Variants in MAP3K13 observed in about 807,000 individuals in gnomAD.
The protein encoded by MAP3K13 is mitogen-activated protein kinase kinase kinase 13, also known as leucine zipper-bearing kinase.
MAP3K13 carries 52 observed loss-of-function variants against 104.0 expected under a neutral mutation model. The ratio of observed to expected loss-of-function variants is 0.50; its 90% confidence interval spans 0.40 to 0.63. MAP3K13 has a LOEUF of 0.63. Among genes scored for constraint, MAP3K13 ranks in the 20% least tolerant of loss-of-function variants. The probability of loss-of-function intolerance (pLI) is 0.00; values close to 1 mark genes in which losing one functional copy is unlikely to be tolerated. For synonymous variants in MAP3K13, 394 were observed against 442.2 expected (o/e 0.89, Z 1.37); for missense variants, 914 against 1,218.5 (o/e 0.75, Z 3.72).
At chr3:185,455,412 GAGAT>G (rs1716490415) in intron 7 of MAP3K13, among the ~76,000 whole-genome samples, 2 of 68,376 alleles carry the variant, frequency 2.9e-5, no homozygotes, top group African/African-American at 9.9e-5. Context: ...ATATATATAT[GAGAT>G]ATATATGATA....
chr3:185,476,249 A>G (rs1577625851), intron 11 of MAP3K13, among the ~76,000 whole-genome samples: 2 of 151,530 alleles, frequency 1.3e-5, no homozygotes, highest in South Asian at 2.1e-4. Flanking sequence ...CCTCACTCCC[A>G]CAGAGCAGCT....
intron 2 of MAP3K13, among the ~76,000 whole-genome samples, chr3:185,330,046 A>ATTTTTTTTTTTTTTTTTTTTT (rs548813356): frequency 6.1e-5 from 6 of 98,278 alleles, no homozygotes; most frequent in South Asian, 3.7e-4. Context: ...TGCCTGGCTA[A>ATTTTTTTTTTTTTTTTTTTTT]TTTTTTTTTT....
intron 1 of MAP3K13, among the ~76,000 whole-genome samples, chr3:185,374,054 G>A (rs977043077): frequency 5.3e-5 from 8 of 152,032 alleles, no homozygotes; most frequent in Non-Finnish European, 8.8e-5. Context: ...CTTAAGGGTG[G>A]GGGAGACTAC....
rs11382487 is a variant in MAP3K13 at position 185,320,083 on chromosome 3, C to CTT, written c.-86+34454_-86+34455dup. On this transcript the variant is annotated intron_variant, in intron 2 of 14. Coordinates refer to the MAP3K13 transcript ENST00000424227. ...TGAAAACTATTTGCTATGTAAGTAA[C>CTT]TTTTTTTTTTTTTTTGAGAAGGAGT... 7.9e-3 allele frequency among the ~76,000 whole-genome samples: 1,138 copies of CTT among 143,738 alleles called. 13 individuals carry two copies. The highest frequency in any genetic ancestry group is 0.021 in the African/African-American group (821 of 39,032). The allele number at this position is 143,738 out of a possible 152,430, so 94.3% of individuals were successfully genotyped here.
chr3:185,471,649 G>A (rs1001119544), intron 10 of MAP3K13, among the ~76,000 whole-genome samples: 3 of 151,312 alleles, frequency 2.0e-5, no homozygotes, highest in African/African-American at 7.3e-5. Flanking sequence ...TAGTAGAAAT[G>A]GGGTTTCACC....
At chr3:185,400,103 A>G (rs781503654) in intron 1 of MAP3K13, among the ~76,000 whole-genome samples, 2 of 152,054 alleles carry the variant, frequency 1.3e-5, no homozygotes, top group Non-Finnish European at 2.9e-5. Context: ...TCACCTCTCC[A>G]TAGTTCTCTG....
intron 1 of MAP3K13, among the ~76,000 whole-genome samples, chr3:185,399,867 G>A (rs972355666): frequency 6.6e-6 from 1 of 151,928 alleles, no homozygotes; most frequent in African/African-American, 2.4e-5. Flanking sequence ...CACCCCCTCT[G>A]CTGGAGGTCC....
At chr3:185,322,110 AT>A (rs1390072059) in intron 2 of MAP3K13, among the ~76,000 whole-genome samples, 3 of 152,168 alleles carry the variant, frequency 2.0e-5, no homozygotes, top group Admixed American at 6.5e-5. Flanking sequence ...TGCATTTTTC[AT>A]TCTGTTTCAA....
chr3:185,419,951 CT>C (rs1396949721), intron 1 of MAP3K13, among the ~76,000 whole-genome samples: 2 of 152,228 alleles, frequency 1.3e-5, no homozygotes, highest in African/African-American at 4.8e-5. Flanking sequence ...CTTATTTTAA[CT>C]GTAATCACAG....
In MAP3K13 at chr3:185,454,907, GAT is replaced by G. The variant is rs1241391505; in HGVS notation, c.1278+3521_1278+3522del. ...TGATATATATATGAGATATATATAT[GAT>G]ATATATATGAGATATATATATGATA... On this transcript the variant is annotated intron_variant, in intron 7 of 13. Transcript: ENST00000265026. 1.0e-3 allele frequency among the ~76,000 whole-genome samples: 69 copies of G among 68,840 alleles called. 6 individuals carry two copies. The highest frequency in any genetic ancestry group is 3.3e-3 in the African/African-American group (66 of 20,204). The allele number at this position is 68,840 out of a possible 152,430, so 45.2% of individuals were successfully genotyped here.
At chr3:185,293,039 A>G in intron 2 of MAP3K13, 1 of 985,154 alleles carries the variant, frequency 1.0e-6, no homozygotes, top group Middle Eastern at 5.2e-4. Flanking sequence ...ACGTGTGTGT[A>G]CTTGGTCATT....
intron 1 of MAP3K13, among the ~76,000 whole-genome samples, chr3:185,392,410 G>C (rs1159992840): frequency 1.3e-5 from 2 of 152,226 alleles, no homozygotes; most frequent in Non-Finnish European, 2.9e-5. Flanking sequence ...GAAGGAAGTG[G>C]TAACAGAGAT....
chr3:185,467,522 C>A (rs188767625), intron 10 of MAP3K13, among the ~76,000 whole-genome samples: 1 of 152,092 alleles, frequency 6.6e-6, no homozygotes, highest in Non-Finnish European at 1.5e-5. Context: ...CGGTGGCTCA[C>A]GCCTGTAATC....
intron 7 of MAP3K13, among the ~76,000 whole-genome samples, chr3:185,462,228 G>A (rs1413626554): frequency 6.6e-6 from 1 of 152,182 alleles, no homozygotes; most frequent in Non-Finnish European, 1.5e-5. Flanking sequence ...CCTATTGCCT[G>A]TAGGCCATAT....
chr3:185,435,803 T>C (rs1714996377), intron 2 of MAP3K13, among the ~76,000 whole-genome samples: 1 of 152,224 alleles, frequency 6.6e-6, no homozygotes, highest in Non-Finnish European at 1.5e-5. Context: ...GTAGAGAAAA[T>C]TAGAGAAGAG....
chr3:185,306,509 A>G (rs1305673752), intron 2 of MAP3K13, among the ~76,000 whole-genome samples: 1 of 151,948 alleles, frequency 6.6e-6, no homozygotes, highest in Non-Finnish European at 1.5e-5. Context: ...TGTGGTTTTG[A>G]TTTGCATTTC....
chr3:185,354,986 G>A (rs956400406), intron 2 of MAP3K13, among the ~76,000 whole-genome samples: 1 of 152,072 alleles, frequency 6.6e-6, no homozygotes. Flanking sequence ...TATATTAGAC[G>A]AGCCAATCTT....
intron 1 of MAP3K13, among the ~76,000 whole-genome samples, chr3:185,426,666 A>C (rs1049980836): frequency 2.6e-5 from 4 of 152,064 alleles, no homozygotes; most frequent in Non-Finnish European, 5.9e-5. Context: ...CATTCCAGCC[A>C]CTTTGGATTT....
chr3:185,336,895 C>T (rs1254992934), intron 2 of MAP3K13, among the ~76,000 whole-genome samples: 3 of 152,070 alleles, frequency 2.0e-5, no homozygotes, highest in Non-Finnish European at 4.4e-5. Flanking sequence ...GATACTTCCT[C>T]ATGTGCCATC....
Sources: allele counts gnomAD v4.1 joint callset (sites outside exome capture counted in the v4.1 genomes callset), GRCh38; gene constraint gnomAD v4.1.1; transcripts MANE v1.5; gene names NCBI Gene and HGNC (gene_info 2026-07-23, HGNC 2026-07-21).